Variants in NCKAP5 observed in about 807,000 individuals in gnomAD.
The protein encoded by NCKAP5 is nck-associated protein 5.
Under a neutral mutation model 167.0 loss-of-function variants are expected in NCKAP5, and 92 were observed. The observed-to-expected ratio is 0.55, with a 90% confidence interval of 0.47 to 0.66. NCKAP5 has a LOEUF of 0.66. Ranked by LOEUF, NCKAP5 falls within the 30% of genes least tolerant of loss-of-function variation. The pLI is 0.00. For synonymous variants in NCKAP5, 891 were observed against 877.4 expected (o/e 1.02, Z -0.27); for missense variants, 2,378 against 2,315.0 (o/e 1.03, Z -0.56).
At chr2:133,132,393 C>T (rs1452928094) in intron 5 of NCKAP5, among the ~76,000 whole-genome samples, 1 of 150,774 alleles carries the variant, frequency 6.6e-6, no homozygotes, top group African/African-American at 2.4e-5. Context: ...TCAAAGAGTC[C>T]CAAAAACATG....
At chr2:133,295,919 T>C (rs939285418) in intron 4 of NCKAP5, among the ~76,000 whole-genome samples, 1 of 152,152 alleles carries the variant, frequency 6.6e-6, no homozygotes, top group African/African-American at 2.4e-5. Flanking sequence ...TACCTTAAGG[T>C]TTTTGATAAA....
chr2:132,890,174 A>C (rs1187188097), intron 8 of NCKAP5, among the ~76,000 whole-genome samples: 1 of 152,196 alleles, frequency 6.6e-6, no homozygotes, highest in Non-Finnish European at 1.5e-5. Context: ...ATAGGTAAGA[A>C]AAGGTGCTTC....
chr2:133,045,850 T>G (rs1016113967), intron 6 of NCKAP5, among the ~76,000 whole-genome samples: 2 of 152,160 alleles, frequency 1.3e-5, no homozygotes, highest in African/African-American at 4.8e-5. Flanking sequence ...TGCGATGAGA[T>G]GAAGAGAGGT....
chr2:133,107,690 T>C (rs776197784), intron 6 of NCKAP5, among the ~76,000 whole-genome samples: 12 of 152,144 alleles, frequency 7.9e-5, no homozygotes, highest in Non-Finnish European at 1.3e-4. Context: ...TAGATACAGA[T>C]ATAAATATAT....
At chr2:133,397,496 CT>C (rs1310511108) in intron 3 of NCKAP5, among the ~76,000 whole-genome samples, 2 of 152,172 alleles carry the variant, frequency 1.3e-5, no homozygotes, top group Non-Finnish European at 2.9e-5. Flanking sequence ...GTTTCCCAGA[CT>C]GTTCTTTCTC....
At chr2:133,539,001 C>T (rs1368088893) in intron 2 of NCKAP5, among the ~76,000 whole-genome samples, 1 of 131,158 alleles carries the variant, frequency 7.6e-6, no homozygotes, top group Admixed American at 9.0e-5. Flanking sequence ...AGTGCAGTGG[C>T]GCGATCTCGA....
At position 133,130,083 on chromosome 2, in the gene NCKAP5, TC is replaced by T. The variant is rs2082546613; in HGVS notation, c.235del (p.Glu79ArgfsTer16). 1 of 1,611,314 alleles carries T rather than the reference TC, an allele frequency of 6.2e-7. No homozygotes were observed. Among genetic ancestry groups the T allele is most frequent in the African/African-American group, 1.3e-5 (1 of 74,828 alleles). ...GCTTTGAAGACGTAAGTGTCTCTCC[TC>T]TTCCAGTTCATGTATCAGCTTCTCA... ...MHEKLIHELEEERHLRLQSEK... is the reference protein window; with the variant it reads ...MHEKLIHELEXERHLRLQSEK... On this transcript the variant is annotated frameshift_variant, in exon 6 of 20. Transcript: ENST00000409261. LOFTEE classifies it high-confidence loss of function.
chr2:132,783,654 T>A lies in NCKAP5; in HGVS notation c.3157A>T (p.Thr1053Ser), dbSNP rs761168942. The change falls in exon 14 of 20, where the codon ACA becomes TCA. Residue 1053 changes from threonine (T) to serine (S), a missense_variant. Transcript: ENST00000409261. ...ATGTCCCTTTGTGGGGTCCCAAGTG[T>A]TTGGCGAGGAGAGGTTTTGGGGACA... is the stretch of plus-strand genomic sequence containing the variant. ...RGVPKTSPRQ[T>S]LGTPQRDIGL... 4 of 1,613,776 alleles carry A rather than the reference T, an allele frequency of 2.5e-6. No individual in the cohort carries two copies. Among genetic ancestry groups the A allele is most frequent in the Non-Finnish European group, 3.4e-6 (4 of 1,179,858 alleles).
At chr2:132,763,014 G>A (rs1558736171) in intron 16 of NCKAP5, among the ~76,000 whole-genome samples, 1 of 152,156 alleles carries the variant, frequency 6.6e-6, no homozygotes, top group African/African-American at 2.4e-5. Flanking sequence ...ATGAATACAT[G>A]ATTCTATTTA....
intron 6 of NCKAP5, among the ~76,000 whole-genome samples, chr2:133,113,854 G>A (rs2081993218): frequency 1.3e-5 from 2 of 152,108 alleles, no homozygotes; most frequent in Admixed American, 1.3e-4. Flanking sequence ...GAGAAGAAAG[G>A]GAGCCAACCA....
At chr2:133,221,839 T>A (rs1047630451) in intron 4 of NCKAP5, among the ~76,000 whole-genome samples, 6 of 152,226 alleles carry the variant, frequency 3.9e-5, no homozygotes, top group African/African-American at 1.4e-4. Context: ...CTATCACATA[T>A]TCTATGTTAT....
the NCKAP5 span, among the ~76,000 whole-genome samples, chr2:133,577,859 G>A: frequency 6.6e-6 from 1 of 152,208 alleles, no homozygotes; most frequent in African/African-American, 2.4e-5. Flanking sequence ...AACTGCTCTT[G>A]GTTTCCAAAC....
At chr2:132,903,090 T>C (rs187017358) in intron 8 of NCKAP5, among the ~76,000 whole-genome samples, 1 of 152,336 alleles carries the variant, frequency 6.6e-6, no homozygotes, top group East Asian at 1.9e-4. Flanking sequence ...CAGGTTGTTG[T>C]GAGGGTCACA....
chr2:133,474,172 A>G (rs1679639781), intron 3 of NCKAP5, among the ~76,000 whole-genome samples: 1 of 151,938 alleles, frequency 6.6e-6, no homozygotes, highest in African/African-American at 2.4e-5. Flanking sequence ...ACACACACAC[A>G]CACACGTACA....
chr2:132,721,448 T>C (rs926842168), intron 19 of NCKAP5, among the ~76,000 whole-genome samples: 5 of 152,166 alleles, frequency 3.3e-5, no homozygotes, highest in African/African-American at 1.2e-4. Context: ...TGGGGACCTC[T>C]ATTAAGAGCC....
chr2:132,837,271 C>G (rs879806073), intron 11 of NCKAP5, among the ~76,000 whole-genome samples: 2 of 152,140 alleles, frequency 1.3e-5, no homozygotes, highest in Non-Finnish European at 2.9e-5. Context: ...CTTTTTCAAC[C>G]TGAATGCTTC....
intron 4 of NCKAP5, among the ~76,000 whole-genome samples, chr2:133,302,672 C>A (rs1185437667): frequency 7.1e-6 from 1 of 140,258 alleles, no homozygotes; most frequent in African/African-American, 2.7e-5. Flanking sequence ...GGGAGATATA[C>A]CTAATGCTAG....
At chr2:132,760,454 T>C (rs1464381806) in intron 16 of NCKAP5, among the ~76,000 whole-genome samples, 2 of 152,202 alleles carry the variant, frequency 1.3e-5, no homozygotes, top group African/African-American at 4.8e-5. Context: ...GTTTTCATTG[T>C]TTTCAGAAAG....
chr2:133,367,965 A>C (rs1685558134), intron 3 of NCKAP5, among the ~76,000 whole-genome samples: 3 of 152,190 alleles, frequency 2.0e-5, no homozygotes, highest in African/African-American at 7.2e-5. Flanking sequence ...GAGGAGCTGC[A>C]GGTGGAGACC....
Sources: gnomAD v4.1 joint callset for allele counts (sites outside exome capture counted in the v4.1 genomes callset) on GRCh38, gnomAD v4.1.1 for gene constraint, MANE v1.5 for transcripts, NCBI Gene and HGNC (gene_info 2026-07-23, HGNC 2026-07-21) for gene names.